The following CHST8 variants were observed in gnomAD, a reference collection of about 807,000 sequenced individuals.
The protein encoded by CHST8 is carbohydrate sulfotransferase 8.
Under a neutral mutation model 15.0 loss-of-function variants are expected in CHST8, and 10 were observed. The ratio of observed to expected loss-of-function variants is 0.67; its 90% CI spans 0.41 to 1.13. CHST8 has a LOEUF of 1.13. CHST8 is among the 50% of genes most tolerant of loss of function. The pLI is 0.00. For synonymous variants in CHST8, 259 were observed against 256.6 expected, an observed-to-expected ratio of 1.01 and a Z score of -0.09; for missense variants, 634 against 608.2, an observed-to-expected ratio of 1.04 and a Z score of -0.45.
intron 3 of CHST8, among the ~76,000 whole-genome samples, chr19:33,758,913 G>C (rs1974660111): frequency 6.7e-6 from 1 of 149,138 alleles, no homozygotes; most frequent in African/African-American, 2.6e-5. Context: ...CATCCACTTG[G>C]TTTCTTGGCG....
intron 3 of CHST8, 71 bp from the exon 4 acceptor site, chr19:33,771,333 AGCCAGCAGC>A: frequency 4.2e-6 from 6 of 1,414,464 alleles, no homozygotes; most frequent in Non-Finnish European, 5.0e-6. Flanking sequence ...GGATGTCCAC[AGCCAGCAGC>A]CCATAAGCAG....
intron 3 of CHST8, among the ~76,000 whole-genome samples, chr19:33,760,016 T>C (rs905138036): frequency 3.3e-5 from 5 of 152,132 alleles, no homozygotes; most frequent in African/African-American, 1.2e-4. Context: ...CGAAATGTTC[T>C]TCAACTCTCC....
rs117701962 is a variant in CHST8, at chr19:33,674,819, A to T, written c.-87+6976A>T. ...GACCTGACCTTGGGCAGCAACTAGG[A>T]GGAAGACCTGCTGAGCTGGGGTGAA... On this transcript the variant is annotated intron_variant, in intron 2 of 4. Coordinates refer to ENST00000650847, the MANE Select transcript of CHST8 (RefSeq NM_001127895.2). 1.2e-3 allele frequency among the ~76,000 whole-genome samples: 188 copies of T among 152,308 alleles called. 3 individuals are homozygous for T. The East Asian group carries it at 0.03, about 24-fold the overall frequency.
At chr19:33,642,693 C>T (rs1972299923) in intron 1 of CHST8, among the ~76,000 whole-genome samples, 1 of 152,246 alleles carries the variant, frequency 6.6e-6, no homozygotes, top group Non-Finnish European at 1.5e-5. Context: ...GCGGAAATGC[C>T]TTTGCAAGAG....
chr19:33,668,468 C>T lies in CHST8; in HGVS notation c.-87+625C>T, dbSNP rs575124039. Among the ~76,000 whole-genome samples, 251 of 152,132 alleles carry T rather than the reference C, an allele frequency of 1.6e-3. 1 individual carries two copies. Among genetic ancestry groups the T allele is most frequent in the Non-Finnish European group, 2.9e-3 (196 of 68,018 alleles). On this transcript the variant is annotated intron_variant, in intron 2 of 4. Transcript: ENST00000650847. ...TTTGTGAGGGGGGAAAGATAGCCTC[C>T]GAGCAATTAGGGTTTGGAAAAATAG...
intron 2 of CHST8, among the ~76,000 whole-genome samples, chr19:33,677,176 C>T (rs1403046488): frequency 6.6e-6 from 1 of 152,070 alleles, no homozygotes; most frequent in African/African-American, 2.4e-5. Context: ...GGCACTGGGG[C>T]ATGAGTGTGG....
At chr19:33,757,568 GAAA>G in intron 3 of CHST8, among the ~76,000 whole-genome samples, 2 of 138,526 alleles carry the variant, frequency 1.4e-5, no homozygotes, top group African/African-American at 5.4e-5. Context: ...AAGAAAGAAA[GAAA>G]GAAAGAAAGA....
chr19:33,639,208 T>C (rs1405470395), intron 1 of CHST8, among the ~76,000 whole-genome samples: 2 of 146,194 alleles, frequency 1.4e-5, no homozygotes, highest in African/African-American at 5.1e-5. Context: ...AGCAGGGGAG[T>C]GGCATGTAGA....
intron 3 of CHST8, among the ~76,000 whole-genome samples, chr19:33,730,533 G>C (rs556307481): frequency 6.6e-6 from 1 of 152,168 alleles, no homozygotes; most frequent in African/African-American, 2.4e-5. Context: ...CTGCCTACTC[G>C]AGTTCATTGG....
chr19:33,643,048 G>A (rs756137073), intron 1 of CHST8, among the ~76,000 whole-genome samples: 1 of 152,142 alleles, frequency 6.6e-6, no homozygotes, highest in Non-Finnish European at 1.5e-5. Context: ...TTTAAAGCAT[G>A]TTGACATGAA....
chr19:33,712,521 C>T (rs187900919), intron 3 of CHST8, among the ~76,000 whole-genome samples: 341 of 152,258 alleles, frequency 2.2e-3, no homozygotes, highest in Non-Finnish European at 3.7e-3. Flanking sequence ...TCAGCAGGCA[C>T]TGTGCCTAGT....
intron 1 of CHST8, among the ~76,000 whole-genome samples, chr19:33,644,632 T>G (rs1281425123): frequency 6.6e-6 from 1 of 152,064 alleles, no homozygotes; most frequent in Admixed American, 6.6e-5. Flanking sequence ...TCCCAGCAAC[T>G]TGAGAGTCTG....
intron 2 of CHST8, among the ~76,000 whole-genome samples, chr19:33,685,467 G>A (rs1015036688): frequency 6.6e-6 from 1 of 151,924 alleles, no homozygotes; most frequent in East Asian, 1.9e-4. Context: ...CTGGAAACTC[G>A]CTGGGGCTGT....
intron 1 of CHST8, among the ~76,000 whole-genome samples, chr19:33,650,443 T>C (rs983266261): frequency 5.9e-5 from 9 of 151,622 alleles, no homozygotes; most frequent in African/African-American, 2.2e-4. Context: ...AATTATCAAG[T>C]TGGAAGGATT....
chr19:33,754,442 G>A (rs1452157053), intron 3 of CHST8, among the ~76,000 whole-genome samples: 1 of 152,114 alleles, frequency 6.6e-6, no homozygotes, highest in Non-Finnish European at 1.5e-5. Flanking sequence ...ATGAGGGACT[G>A]TTCTGCTGGG....
Position 33,754,166 on chromosome 19 carries a change from C to T in CHST8, c.131-17247C>T, listed in dbSNP as rs1013816930. 2.1e-5 allele frequency among the ~76,000 whole-genome samples: 3 copies of T among 145,002 alleles called. No individual in the cohort carries two copies. In the East Asian group the frequency reaches 6.3e-4, roughly 30 times the overall value. On this transcript the variant is annotated intron_variant, in intron 3 of 4. Coordinates refer to ENST00000650847, the MANE Select transcript of CHST8 (RefSeq NM_001127895.2). The stretch of plus-strand genomic sequence containing the variant: ...ATCAGTGTGCCCCCCGTGTGCATCT[C>T]CCCATCATCAGTGCATCACATCTGA...
At chr19:33,734,758 T>C (rs957000392) in intron 3 of CHST8, among the ~76,000 whole-genome samples, 3 of 152,128 alleles carry the variant, frequency 2.0e-5, no homozygotes, top group Admixed American at 6.5e-5. Flanking sequence ...CCACTCCCAC[T>C]GGGCCCAGCA....
chr19:33,630,643 G>A (rs926703731), intron 1 of CHST8, among the ~76,000 whole-genome samples: 5 of 151,520 alleles, frequency 3.3e-5, no homozygotes, highest in African/African-American at 4.9e-5. Flanking sequence ...CAAGCAGTCC[G>A]TCTACGATGA....
At position 33,769,043 on chromosome 19, in the gene CHST8, C is replaced by T. The variant is rs114285920; in HGVS notation, c.131-2370C>T. On this transcript the variant is annotated intron_variant, in intron 3 of 4. Coordinates refer to ENST00000650847, the MANE Select transcript of CHST8 (RefSeq NM_001127895.2). ...GTTAATGCCAAGGGCTCTAGCTCAG[C>T]GAGCATTAGAGTGGGACAGCCCCAG... is the stretch of plus-strand genomic sequence containing the variant. Among the ~76,000 whole-genome samples the T allele has an allele frequency of 3.9e-3, 598 of 152,314 alleles. 1 individual carries two copies. The highest frequency in any genetic ancestry group is 0.014 in the African/African-American group (579 of 41,570).
Sources: allele counts gnomAD v4.1 joint callset (sites outside exome capture counted in the v4.1 genomes callset), GRCh38; gene constraint gnomAD v4.1.1; transcripts MANE v1.5; gene names NCBI Gene and HGNC (gene_info 2026-07-23, HGNC 2026-07-21).